The following ACOXL variants were observed in gnomAD, a reference collection of about 807,000 sequenced individuals.
ACOXL encodes the protein acyl-coenzyme A oxidase-like protein.
A neutral mutation model predicts 71.9 loss-of-function variants in ACOXL; 70 were observed. The ratio of observed to expected loss-of-function variants is 0.97; its 90% CI spans 0.80 to 1.19. The LOEUF (loss-of-function observed/expected upper bound fraction) is 1.19, where lower values mean the gene tolerates loss of function less well. ACOXL is among the 50% of genes most tolerant of loss of function. ACOXL has a pLI of 0.00. For missense variants in ACOXL, 703 were observed against 736.3 expected (o/e 0.95, Z 0.52); for synonymous variants, 253 against 281.6 (o/e 0.90, Z 1.02).
chr2:110,886,923 T>G, intron 10 of ACOXL: 1 of 1,531,072 alleles, frequency 6.5e-7, no homozygotes, highest in Non-Finnish European at 8.8e-7. Context: ...TTAACTGTTC[T>G]GGGTTTTCCC....
At chr2:111,050,015 C>A (rs2066207201) in intron 16 of ACOXL, among the ~76,000 whole-genome samples, 4 of 141,310 alleles carry the variant, frequency 2.8e-5, no homozygotes, top group Non-Finnish European at 6.2e-5. Flanking sequence ...ACATACTTTC[C>A]CACCACTAAG....
At chr2:111,053,217 C>T (rs965522503) in intron 16 of ACOXL, among the ~76,000 whole-genome samples, 1 of 152,198 alleles carries the variant, frequency 6.6e-6, no homozygotes, top group Non-Finnish European at 1.5e-5. Context: ...ATGAACCAAC[C>T]TGGCCTTCTA....
intron 6 of ACOXL, 57 bp from the exon 7 acceptor site, chr2:110,798,957 G>C (rs2105311131): frequency 6.5e-7 from 1 of 1,537,184 alleles, no homozygotes; most frequent in South Asian, 1.1e-5. Context: ...ACTATTCCAG[G>C]ACATGAGTAA....
chr2:110,758,877 C>G (rs1680024197), intron 1 of ACOXL, among the ~76,000 whole-genome samples: 1 of 152,286 alleles, frequency 6.6e-6, no homozygotes, highest in African/African-American at 2.4e-5. Flanking sequence ...TACATCATTT[C>G]TTTGTTCTCA....
intron 10 of ACOXL, among the ~76,000 whole-genome samples, chr2:110,889,310 C>T: frequency 7.4e-6 from 1 of 135,658 alleles, no homozygotes; most frequent in Admixed American, 7.3e-5. Flanking sequence ...ACCACCCCAA[C>T]TAATTTTTTT....
At position 110,933,509 on chromosome 2, in the gene ACOXL, A is replaced by G; in HGVS notation, c.926A>G (p.Asp309Gly). ...TGCAGGTATGCTGGGGCCCTCCTGG[A>G]TGAGGATGTCTTCCAGGGAAAGGAG... Reference protein sequence around the residue: ...FVSRYAGALLDEDVFQGKELV... With the variant: ...FVSRYAGALLGEDVFQGKELV... Residue 309 changes from aspartate to glycine, a missense_variant, in exon 12 of 18, where the codon GAT (aspartate) becomes GGT (glycine). Physicochemically the swap from Asp to Gly is moderately conservative, Grantham distance 94. Coordinates refer to ENST00000439055, the MANE Select transcript of ACOXL (RefSeq NM_001142807.4). The G allele has an allele frequency of 6.2e-7, 1 of 1,614,120 alleles. No individual in the cohort carries two copies. Among genetic ancestry groups the G allele is most frequent in the Non-Finnish European group, 8.5e-7 (1 of 1,179,968 alleles).
intron 9 of ACOXL, among the ~76,000 whole-genome samples, chr2:110,835,312 A>G (rs1690316674): frequency 4.6e-5 from 7 of 152,092 alleles, no homozygotes. Flanking sequence ...GTAACATCAT[A>G]AAGTAAGCTC....
intron 9 of ACOXL, among the ~76,000 whole-genome samples, chr2:110,806,939 G>A (rs193058022): frequency 6.6e-6 from 1 of 151,156 alleles, no homozygotes; most frequent in Non-Finnish European, 1.5e-5. Flanking sequence ...GAGGGCCTTG[G>A]TTTTAAATAT....
intron 8 of ACOXL, among the ~76,000 whole-genome samples, chr2:110,804,765 A>G (rs563012362): frequency 6.6e-6 from 1 of 151,616 alleles, no homozygotes; most frequent in Admixed American, 6.6e-5. Flanking sequence ...ATCTATGTGA[A>G]TTTTTTCCCA....
chr2:111,093,233 A>C (rs1210002906), intron 17 of ACOXL, among the ~76,000 whole-genome samples: 1 of 152,034 alleles, frequency 6.6e-6, no homozygotes, highest in Non-Finnish European at 1.5e-5. Context: ...GGCCAAAAAA[A>C]AAAAAAAAAA....
chr2:110,774,443 C>T (rs544020677), intron 2 of ACOXL, among the ~76,000 whole-genome samples: 1 of 152,076 alleles, frequency 6.6e-6, no homozygotes, highest in East Asian at 1.9e-4. Context: ...CAAGATTCCA[C>T]AAAAAATCTG....
intron 13 of ACOXL, among the ~76,000 whole-genome samples, chr2:110,993,802 T>A (rs1211122977): frequency 1.3e-5 from 2 of 152,230 alleles, no homozygotes; most frequent in African/African-American, 2.4e-5. Flanking sequence ...GATGTCAGTG[T>A]ACTTAATTGT....
At chr2:110,933,879 A>G (rs2060569109) in intron 12 of ACOXL, among the ~76,000 whole-genome samples, 2 of 152,212 alleles carry the variant, frequency 1.3e-5, no homozygotes, top group South Asian at 4.1e-4. Flanking sequence ...CACAATAAAT[A>G]TCATGAAACT....
chr2:110,802,847 G>A (rs1686166610), intron 8 of ACOXL, among the ~76,000 whole-genome samples: 1 of 152,088 alleles, frequency 6.6e-6, no homozygotes, highest in Non-Finnish European at 1.5e-5. Flanking sequence ...ACAATAATGT[G>A]TTGTATATTT....
Position 110,963,593 on chromosome 2 carries a change from GTGTGTGTGTGTT to G in ACOXL, c.1060-23513_1060-23502del, listed in dbSNP as rs779945003. ...TGTGTGTGTGTGTGTGTGTGTGTGT[GTGTGTGTGTGTT>G]TTTCTCTTTCTGCAACAGGGTTACA... On this transcript the variant is annotated intron_variant, in intron 12 of 17. Coordinates refer to ENST00000439055, the MANE Select transcript of ACOXL (RefSeq NM_001142807.4). 1.4e-5 allele frequency: 20 copies of G among 1,447,126 alleles called. No homozygotes were observed. The East Asian group carries it at 4.3e-4, about 31-fold the overall frequency. 89.6% of individuals were successfully genotyped at this position (1,447,126 alleles called of 1,614,324 possible). A position where few individuals can be genotyped will look rare whatever the true frequency, so the allele number is the denominator to read the frequency against.
At chr2:111,016,917 A>G (rs982685702) in intron 14 of ACOXL, among the ~76,000 whole-genome samples, 1 of 47,244 alleles carries the variant, frequency 2.1e-5, no homozygotes, top group African/African-American at 1.5e-4. Flanking sequence ...ATGGTGAGGA[A>G]GGGCCAGTCA....
intron 12 of ACOXL, among the ~76,000 whole-genome samples, chr2:110,984,721 A>G (rs1361910912): frequency 6.6e-6 from 1 of 152,226 alleles, no homozygotes; most frequent in Non-Finnish European, 1.5e-5. Flanking sequence ...TTAAATGGAA[A>G]AAGTGGAAAT....
intron 12 of ACOXL, among the ~76,000 whole-genome samples, chr2:110,980,762 C>T (rs536941334): frequency 4.1e-4 from 63 of 152,306 alleles, no homozygotes; most frequent in African/African-American, 1.5e-3. Flanking sequence ...CTGCCGTACA[C>T]CCTGGCCGCC....
At chr2:110,978,355 A>C (rs4849310) in intron 12 of ACOXL, among the ~76,000 whole-genome samples, 74,479 of 151,994 alleles carry the variant, frequency 0.49, 18,451 homozygotes, top group Middle Eastern at 0.6. Flanking sequence ...CCCTCATGGC[A>C]TAATCACCCC....
Sources: gnomAD v4.1 joint callset for allele counts (sites outside exome capture counted in the v4.1 genomes callset) on GRCh38, gnomAD v4.1.1 for gene constraint, MANE v1.5 for transcripts, NCBI Gene and HGNC (gene_info 2026-07-23, HGNC 2026-07-21) for gene names.